NRG3: variants seen among roughly 807,000 people sequenced by gnomAD.
NRG3 encodes the protein pro-neuregulin-3, membrane-bound isoform.
In NRG3, 31 loss-of-function variants were observed where a neutral mutation model predicts 66.9. That is an observed-to-expected ratio of 0.46 (90% CI 0.35 to 0.63). The LOEUF is 0.63. Ranked by LOEUF, NRG3 falls within the 20% of genes least tolerant of loss-of-function variation. The probability of loss-of-function intolerance (pLI) is 0.00; values close to 1 mark genes in which losing one functional copy is unlikely to be tolerated. For synonymous variants in NRG3, 393 were observed against 359.4 expected (o/e 1.09, Z -1.06); for missense variants, 910 against 878.9 (o/e 1.04, Z -0.45).
rs114946782 is a variant in NRG3 at position 82,520,679 on chromosome 10, G to A, written c.953+161811G>A. Among the ~76,000 whole-genome samples the A allele has an allele frequency of 5.4e-3, 822 of 152,256 alleles. 8 individuals carry two copies. Among genetic ancestry groups the A allele is most frequent in the African/African-American group, 0.019 (775 of 41,534 alleles). The stretch of plus-strand genomic sequence containing the variant: ...AAGGAAGATGAAGACAATGCAGGAA[G>A]AGAACAACTGACTGTCGAACATTAT... On this transcript the variant is annotated intron_variant, in intron 2 of 8. Transcript: ENST00000372141.
At chr10:82,155,747 T>G (rs1358190771) in intron 1 of NRG3, among the ~76,000 whole-genome samples, 1 of 151,790 alleles carries the variant, frequency 6.6e-6, no homozygotes, top group African/African-American at 2.4e-5. Context: ...TATTGACTGG[T>G]GACCATGTTA....
intron 1 of NRG3, among the ~76,000 whole-genome samples, chr10:81,967,983 A>C (rs563061692): frequency 3.9e-5 from 6 of 152,192 alleles, no homozygotes; most frequent in Non-Finnish European, 8.8e-5. Flanking sequence ...TATGCATATA[A>C]ATATATTATG....
chr10:82,517,926 G>C (rs1242853537), intron 2 of NRG3, among the ~76,000 whole-genome samples: 1 of 152,044 alleles, frequency 6.6e-6, no homozygotes, highest in Non-Finnish European at 1.5e-5. Context: ...CATTAAACAG[G>C]GACTTACATC....
At chr10:82,516,872 C>T (rs902717939) in intron 2 of NRG3, among the ~76,000 whole-genome samples, 2 of 152,132 alleles carry the variant, frequency 1.3e-5, no homozygotes, top group Non-Finnish European at 2.9e-5. Flanking sequence ...AAACTCAACC[C>T]ACTGAATGCC....
intron 4 of NRG3, among the ~76,000 whole-genome samples, chr10:82,904,391 A>G (rs756541296): frequency 7.9e-5 from 12 of 152,172 alleles, no homozygotes; most frequent in Non-Finnish European, 1.6e-4. Context: ...TAATCATTCA[A>G]CAACAGAAAA....
intron 6 of NRG3, among the ~76,000 whole-genome samples, chr10:82,970,937 G>C (rs1279152923): frequency 6.6e-6 from 1 of 152,212 alleles, no homozygotes; most frequent in South Asian, 2.1e-4. Context: ...TTTATAAAGA[G>C]GTTTATTTGG....
intron 2 of NRG3, among the ~76,000 whole-genome samples, chr10:82,733,269 C>T (rs1297492770): frequency 6.6e-6 from 1 of 152,120 alleles, no homozygotes; most frequent in Admixed American, 6.6e-5. Flanking sequence ...TATATAAAAT[C>T]CATTTTTGTA....
chr10:82,356,576 T>A (rs1177356311), intron 1 of NRG3, among the ~76,000 whole-genome samples: 1 of 152,140 alleles, frequency 6.6e-6, no homozygotes, highest in African/African-American at 2.4e-5. Flanking sequence ...ATGGAAAATG[T>A]GTGTGTTTTG....
chr10:82,560,391 A>G (rs2044957766), intron 2 of NRG3, among the ~76,000 whole-genome samples: 1 of 151,182 alleles, frequency 6.6e-6, no homozygotes, highest in African/African-American at 2.4e-5. Context: ...ATTTCCTCAT[A>G]TGTTTTATAA....
chr10:82,969,982 G>A (rs534314194), intron 6 of NRG3, among the ~76,000 whole-genome samples: 221 of 152,094 alleles, frequency 1.5e-3, no homozygotes, highest in African/African-American at 5.2e-3. Context: ...ATATGCATAC[G>A]CTTTTGCGCC....
At chr10:81,996,765 G>A (rs1045327774) in intron 1 of NRG3, among the ~76,000 whole-genome samples, 1 of 152,028 alleles carries the variant, frequency 6.6e-6, no homozygotes, top group African/African-American at 2.4e-5. Context: ...GTGAATTGCT[G>A]TGTGGGTGGG....
At chr10:82,257,386 G>A (rs1026581708) in intron 1 of NRG3, among the ~76,000 whole-genome samples, 1 of 152,128 alleles carries the variant, frequency 6.6e-6, no homozygotes, top group African/African-American at 2.4e-5. Flanking sequence ...TGTTAGTTGA[G>A]TGAATAAATA....
At chr10:82,756,722 G>C (rs1483406989) in intron 3 of NRG3, among the ~76,000 whole-genome samples, 2 of 151,898 alleles carry the variant, frequency 1.3e-5, no homozygotes, top group African/African-American at 4.8e-5. Flanking sequence ...ATAATGATAT[G>C]TAACAGTGAA....
intron 1 of NRG3, among the ~76,000 whole-genome samples, chr10:81,935,685 A>G (rs1314533457): frequency 2.6e-5 from 4 of 152,064 alleles, no homozygotes; most frequent in Non-Finnish European, 4.4e-5. Flanking sequence ...TTTCTGTTGC[A>G]TGGGCCACTC....
intron 3 of NRG3, among the ~76,000 whole-genome samples, chr10:82,840,725 C>A (rs35140656): frequency 0.11 from 17,309 of 152,056 alleles, 1,065 homozygotes; most frequent in South Asian, 0.2. Context: ...GAACAGAGCA[C>A]CCTCTGTTGG....
At chr10:82,893,302 C>A (rs1843333539) in intron 4 of NRG3, among the ~76,000 whole-genome samples, 1 of 152,060 alleles carries the variant, frequency 6.6e-6, no homozygotes, top group African/African-American at 2.4e-5. Context: ...AAAGGAAGAC[C>A]AGTTATGCCT....
intron 2 of NRG3, among the ~76,000 whole-genome samples, chr10:82,440,356 T>G (rs1385210580): frequency 7.5e-6 from 1 of 134,044 alleles, no homozygotes; most frequent in Non-Finnish European, 1.5e-5. Flanking sequence ...CTAGTTTGCC[T>G]GTTTGATTTT....
chr10:82,567,493 A>G (rs1388344264), intron 2 of NRG3, among the ~76,000 whole-genome samples: 3 of 151,984 alleles, frequency 2.0e-5, no homozygotes, highest in Non-Finnish European at 4.4e-5. Flanking sequence ...ATCCATCCCT[A>G]GATACATAAG....
intron 1 of NRG3, among the ~76,000 whole-genome samples, chr10:81,921,614 G>GA (rs1564659177): frequency 1.3e-5 from 2 of 151,966 alleles, no homozygotes; most frequent in East Asian, 3.9e-4. Context: ...ATGTTTCTTA[G>GA]GTTATTTTTG....
Sources: allele counts gnomAD v4.1 joint callset (sites outside exome capture counted in the v4.1 genomes callset), GRCh38; gene constraint gnomAD v4.1.1; transcripts MANE v1.5; gene names NCBI Gene and HGNC (gene_info 2026-07-23, HGNC 2026-07-21).